The following PPARG variants were observed in gnomAD, a reference collection of about 807,000 sequenced individuals.
PPARG encodes the protein peroxisome proliferator-activated receptor gamma.
PPARG carries 17 observed loss-of-function variants against 39.2 expected under a neutral mutation model. The ratio of observed to expected loss-of-function variants is 0.43; its 90% CI spans 0.30 to 0.65. PPARG has a LOEUF of 0.65. Ranked by LOEUF, PPARG falls within the 30% of genes least tolerant of loss-of-function variation. The pLI is 0.13. For missense variants in PPARG, 406 were observed against 585.9 expected (o/e 0.69, Z 3.17); for synonymous variants, 223 against 215.7 (o/e 1.03, Z -0.30).
chr3:12,357,626 T>C (rs1241226280), intron 2 of PPARG, among the ~76,000 whole-genome samples: 1 of 152,244 alleles, frequency 6.6e-6, no homozygotes, highest in African/African-American at 2.4e-5. Context: ...TATTGCTTAC[T>C]GTCTGCTTCA....
At chr3:12,331,003 T>C (rs1173515487) in intron 2 of PPARG, among the ~76,000 whole-genome samples, 1 of 152,214 alleles carries the variant, frequency 6.6e-6, no homozygotes, top group Non-Finnish European at 1.5e-5. Context: ...TTTCCTGGAA[T>C]GAGACTGTTT....
At chr3:12,344,368 A>T (rs1490351596) in intron 2 of PPARG, among the ~76,000 whole-genome samples, 1 of 148,202 alleles carries the variant, frequency 6.7e-6, no homozygotes, top group Non-Finnish European at 1.5e-5. Flanking sequence ...GAAAGAATTT[A>T]TAATGTGTCT....
intron 4 of PPARG, among the ~76,000 whole-genome samples, chr3:12,392,287 G>A (rs917911968): frequency 6.6e-6 from 1 of 152,202 alleles, no homozygotes; most frequent in African/African-American, 2.4e-5. Flanking sequence ...ATTACACGGT[G>A]TTTTATTTGC....
chr3:12,310,463 T>TAATAGTTGCC, intron 1 of PPARG, among the ~76,000 whole-genome samples: 3 of 100,460 alleles, frequency 3.0e-5, no homozygotes, highest in Non-Finnish European at 4.3e-5. Context: ...GAGCCCTTTT[T>TAATAGTTGCC]TTTTTTTTTT....
chr3:12,317,930 G>A (rs552327026), intron 2 of PPARG, among the ~76,000 whole-genome samples: 63 of 152,252 alleles, frequency 4.1e-4, no homozygotes, highest in African/African-American at 1.4e-3. Flanking sequence ...AGAGTGAAGC[G>A]CTTCAATAGT....
rs1214662132 is a variant in PPARG at position 12,434,323 on chromosome 3, TA to T, written c.*183del. 1.2e-6 allele frequency: 1 copy of T among 826,532 alleles called. No individual in the cohort carries two copies. The highest frequency in any genetic ancestry group is 1.9e-6 in the Non-Finnish European group (1 of 533,920). 51.2% of individuals were successfully genotyped at this position (826,532 alleles called of 1,614,324 possible). On this transcript the variant is annotated 3_prime_UTR_variant, in exon 8 of 8. Transcript: ENST00000651735. This position sits in a 1 kb window ranked among gnomAD's most constrained non-coding sequence, Gnocchi z 4.2. ...CACATTTACAATTTACTTTTAATAT[TA>T]AAAATTACCATATTATGAAATTGCT... is the stretch of plus-strand genomic sequence containing the variant.
intron 1 of PPARG, among the ~76,000 whole-genome samples, chr3:12,310,807 A>C (rs142153277): frequency 0.12 from 15,439 of 124,248 alleles, 1,168 homozygotes; most frequent in Non-Finnish European, 0.17. Context: ...AAAAAAAAAA[A>C]AAAAAAAAAA....
chr3:12,291,674 T>A (rs2046652012), intron 1 of PPARG, among the ~76,000 whole-genome samples: 1 of 152,218 alleles, frequency 6.6e-6, no homozygotes, highest in South Asian at 2.1e-4. Flanking sequence ...ATAATATCTG[T>A]CATCAATAAT....
upstream of PPARG, among the ~76,000 whole-genome samples, chr3:12,288,243 G>C (rs911426612): frequency 6.6e-6 from 1 of 151,888 alleles, no homozygotes; most frequent in Non-Finnish European, 1.5e-5. Context: ...CGGACTGACG[G>C]GTCGCGGGCG....
intron 1 of PPARG, among the ~76,000 whole-genome samples, chr3:12,307,212 G>C (rs999435357): frequency 6.7e-6 from 1 of 149,662 alleles, no homozygotes; most frequent in African/African-American, 2.5e-5. Context: ...AGGATACAGA[G>C]GTCAATTGAA....
chr3:12,346,077 A>G (rs2048316837), intron 2 of PPARG, among the ~76,000 whole-genome samples: 1 of 152,234 alleles, frequency 6.6e-6, no homozygotes, highest in Admixed American at 6.5e-5. Flanking sequence ...TTTGGTTCAA[A>G]GTTACAGTAA....
intron 2 of PPARG, among the ~76,000 whole-genome samples, chr3:12,378,436 T>C (rs1244420299): frequency 6.6e-6 from 1 of 152,268 alleles, no homozygotes; most frequent in East Asian, 1.9e-4. Flanking sequence ...CACATACATA[T>C]ATACACATAC....
chr3:12,406,784 A>G (rs1005227223), intron 6 of PPARG: 2 of 152,102 alleles, frequency 1.3e-5, no homozygotes, highest in Non-Finnish European at 2.9e-5. Flanking sequence ...GAAGTTCAAC[A>G]TGAGGCATAA....
intron 4 of PPARG, among the ~76,000 whole-genome samples, chr3:12,390,028 G>A (rs2050012610): frequency 6.6e-6 from 1 of 152,134 alleles, no homozygotes; most frequent in Non-Finnish European, 1.5e-5. Flanking sequence ...ACAGACAACA[G>A]ATTAATATCT....
At chr3:12,405,560 G>T (rs183018569) in intron 5 of PPARG, among the ~76,000 whole-genome samples, 2 of 152,204 alleles carry the variant, frequency 1.3e-5, no homozygotes, top group Non-Finnish European at 2.9e-5. Flanking sequence ...GGTCTTGAGG[G>T]ATGAGTAGGA....
At chr3:12,326,731 A>AT in intron 2 of PPARG, among the ~76,000 whole-genome samples, 1 of 117,982 alleles carries the variant, frequency 8.5e-6, no homozygotes, top group East Asian at 2.0e-4. Context: ...TGTGAGATAT[A>AT]TAAAAAAAAA....
intron 2 of PPARG, among the ~76,000 whole-genome samples, chr3:12,334,583 T>G (rs948813156): frequency 5.3e-5 from 8 of 152,146 alleles, no homozygotes; most frequent in Non-Finnish European, 8.8e-5. Flanking sequence ...TTGAATGATT[T>G]GGGCCAAGTT....
intron 6 of PPARG, among the ~76,000 whole-genome samples, chr3:12,410,724 T>C (rs2050854019): frequency 1.3e-5 from 2 of 152,230 alleles, no homozygotes; most frequent in Admixed American, 1.3e-4. Context: ...AAAATCAATA[T>C]GGAAATGTAA....
chr3:12,425,862 C>G (rs1020595556), intron 7 of PPARG, among the ~76,000 whole-genome samples: 1 of 152,136 alleles, frequency 6.6e-6, no homozygotes, highest in African/African-American at 2.4e-5. Context: ...AAGGGCTTTC[C>G]GGGGTCGGAC....
Sources: allele counts gnomAD v4.1 joint callset (sites outside exome capture counted in the v4.1 genomes callset), GRCh38; gene constraint gnomAD v4.1.1; non-coding constraint Gnocchi (gnomAD v3.1); transcripts MANE v1.5; gene names NCBI Gene and HGNC (gene_info 2026-07-23, HGNC 2026-07-21).